PLXNB3: variants seen among roughly 807,000 people sequenced by gnomAD.
PLXNB3 encodes plexin-B3.
PLXNB3 carries 80 observed loss-of-function variants against 125.7 expected under a neutral mutation model. That is an observed-to-expected ratio of 0.64 (90% CI 0.53 to 0.77). The LOEUF is 0.77. PLXNB3 is among the 30% of genes least tolerant of loss of function. The pLI, the probability that PLXNB3 is intolerant of heterozygous loss-of-function variation, is 0.00. For synonymous variants in PLXNB3, 954 were observed against 783.3 expected (o/e 1.22, Z -3.64); for missense variants, 1,836 against 1,729.3 (o/e 1.06, Z -1.09).
rs782478899 is a variant in PLXNB3, at chrX:153,771,616, G to A, written c.2478G>A (p.Gly826=). 1 of 1,203,387 alleles carries A rather than the reference G, an allele frequency of 8.3e-7. No homozygotes were observed. The highest frequency in any genetic ancestry group is 1.7e-5 in the African/African-American group (1 of 57,885). Residue 826 remains glycine (G), a synonymous_variant, in exon 14 of 36, where the codon GGG becomes GGA. Coordinates refer to ENST00000361971, the MANE Select transcript of PLXNB3 (RefSeq NM_005393.3). ...ACRYGPLCPP[G]AVELLCPAPS... Reference sequence around the variant, plus strand: ...GCTATGGGCCCTTGTGCCCGCCGGGGGCTGTGGAGCTGCTGTGTCCTGCGC... The same window carrying A: ...GCTATGGGCCCTTGTGCCCGCCGGGAGCTGTGGAGCTGCTGTGTCCTGCGC...
rs782386894 is a variant in PLXNB3, at chrX:153,771,885, CCT to C, written c.2540_2541del (p.Pro847ArgfsTer34). 1.7e-6 allele frequency: 2 copies of C among 1,209,270 alleles called. No individual in the cohort carries two copies. The highest frequency in any genetic ancestry group is 2.2e-6 in the Non-Finnish European group (2 of 895,096). On this transcript the variant is annotated frameshift_variant, in exon 15 of 36. Transcript: ENST00000361971. LOFTEE classifies it high-confidence loss of function. ...IDAVEPLTGPPEGGLALTILG... is the reference protein window; with the variant it reads ...IDAVEPLTGPXEGGLALTILG... ...GCAGGTCGAGCCCCTGACCGGTCCC[CCT>C]GAGGGAGGCTTGGCCCTCACCATCC...
chrX:153,765,710 G>C, intron 2 of PLXNB3, 130 bp downstream of exon 2: 1 of 1,140,445 alleles, frequency 8.8e-7, no homozygotes. Flanking sequence ...CAGATAGCCC[G>C]GGGTCCGCAG....
chrX:153,777,278 G>C lies in PLXNB3; in HGVS notation c.4998G>C (p.Glu1666Asp). Reference sequence around the variant, plus strand: ...GGCACCTGGTGAAAGCCACCGAGGAGCCAGAAGGGGCCAAGGTGCGGTGCA... The same window carrying C: ...GGCACCTGGTGAAAGCCACCGAGGACCCAGAAGGGGCCAAGGTGCGGTGCA... ...CLWHLVKATE[E>D]PEGAKVRCSS... Residue 1666 changes from glutamate (E) to aspartate (D), a missense_variant, in exon 30 of 36, where the codon GAG becomes GAC. Glu to Asp is a conservative substitution (Grantham distance 45). Transcript: ENST00000361971. 8.3e-7 allele frequency: 1 copy of C among 1,201,174 alleles called. No homozygotes were observed. The highest frequency in any genetic ancestry group is 1.1e-6 in the Non-Finnish European group (1 of 889,433).
chrX:153,773,016 TG>T lies in PLXNB3; in HGVS notation c.2906+1del. ...TTCGTGGGTGGCCAACCCTGTCCCA[TG>T]TGAGTCCCGGCCTGGCTGCCGTCGG... On this transcript the variant is annotated splice_donor_variant, in intron 17 of 35. Coordinates refer to ENST00000361971, the MANE Select transcript of PLXNB3 (RefSeq NM_005393.3). LOFTEE classifies it high-confidence loss of function. 1 of 1,172,740 alleles carries T rather than the reference TG, an allele frequency of 8.5e-7. No homozygotes were observed. The highest frequency in any genetic ancestry group is 1.1e-6 in the Non-Finnish European group (1 of 879,116).
chrX:153,771,463 G>A (rs782691919), intron 13 of PLXNB3, 23 bp from the exon 14 acceptor site: 2 of 1,208,748 alleles, frequency 1.7e-6, no homozygotes, highest in East Asian at 3.0e-5. Flanking sequence ...GAGGCGCTCA[G>A]CACACTGCCT....
chrX:153,766,468 C>T (rs1232944320), intron 2 of PLXNB3: 1 of 930,596 alleles, frequency 1.1e-6, no homozygotes, highest in African/African-American at 2.0e-5. Context: ...CCCGCGGCCT[C>T]CCTCCCTCCC....
At chrX:153,766,297 T>G in intron 2 of PLXNB3, 1 of 1,163,959 alleles carries the variant, frequency 8.6e-7, no homozygotes, top group African/African-American at 1.8e-5. Flanking sequence ...GGAGGGTTCC[T>G]CCTTGCAGCC....
rs1335481604 is a variant in PLXNB3 at position 153,776,690 on chromosome X, C to A, written c.4834-197C>A. Among the ~76,000 whole-genome samples the A allele has an allele frequency of 3.2e-4, 5 of 15,640 alleles. No individual in the cohort carries two copies. The South Asian group carries it at 0.021, about 64-fold the overall frequency. The allele number at this position is 15,640 out of a possible 115,157, so 13.6% of individuals were successfully genotyped here. ...AGGGCGAGGATGGGGCGGGGCGAGGCAGGGCGGGGCTGGGGCGGGGATGGG... is the reference window on the plus strand; with the variant it reads ...AGGGCGAGGATGGGGCGGGGCGAGGAAGGGCGGGGCTGGGGCGGGGATGGG... On this transcript the variant is annotated intron_variant, in intron 28 of 35. Coordinates refer to ENST00000361971, the MANE Select transcript of PLXNB3 (RefSeq NM_005393.3).
In PLXNB3 at chrX:153,774,058, G is replaced by A. The variant is rs146891755; in HGVS notation, c.3479G>A (p.Arg1160His). 660 of 1,188,854 alleles carry A rather than the reference G, an allele frequency of 5.6e-4. No homozygotes were observed. The highest frequency in any genetic ancestry group is 6.9e-4 in the Non-Finnish European group (609 of 884,562). The change falls in exon 20 of 36, where the codon CGC (arginine) becomes CAC (histidine). Residue 1160 changes from arginine (R) to histidine (H), a missense_variant. By Grantham distance (29) the Arg-to-His change is conservative. Coordinates refer to ENST00000361971, the MANE Select transcript of PLXNB3 (RefSeq NM_005393.3). ...CCCCTCAGCCGCGAGGGGCCTGCCCGCCCCTACCGCCTCAAGCCAGGCCAT... is the reference window on the plus strand; with the variant it reads ...CCCCTCAGCCGCGAGGGGCCTGCCCACCCCTACCGCCTCAAGCCAGGCCAT... ...LAPLSREGPA[R>H]PYRLKPGHVL...
chrX:153,771,153 G>C, intron 12 of PLXNB3, 72 bp downstream of exon 12: 1 of 1,007,383 alleles, frequency 9.9e-7, no homozygotes, highest in South Asian at 2.0e-5. Flanking sequence ...CATCTTTGTG[G>C]AGAGCCTGCT....
rs781869433 is a variant in PLXNB3, at chrX:153,766,286, C to T, written c.46-587C>T. On this transcript the variant is annotated intron_variant, in intron 2 of 35. Transcript: ENST00000361971. ...GCTGCCTGGCTCTTTCCCCCAGCTG[C>T]GGAGGGTTCCTCCTTGCAGCCGGCC... 12 of 1,164,505 alleles carry T rather than the reference C, an allele frequency of 1.0e-5. No homozygotes were observed. Among genetic ancestry groups the T allele is most frequent in the African/African-American group, 1.8e-5 (1 of 56,038 alleles).
At chrX:153,772,140 C>T (rs781817835) in intron 15 of PLXNB3, 42 bp from the exon 16 acceptor site, 2 of 872,920 alleles carry the variant, frequency 2.3e-6, no homozygotes, top group African/African-American at 3.5e-5. Context: ...CTGTCCCCTC[C>T]GTCCCTGAGC....
Position 153,775,408 on chromosome X carries a change from G to A in PLXNB3, c.4334+5G>A, listed in dbSNP as rs1557063726. 5.0e-6 allele frequency: 6 copies of A among 1,201,887 alleles called. No individual in the cohort carries two copies. The South Asian group carries it at 9.0e-5, about 18-fold the overall frequency. ...CCCCAAGCTCATGCTACGCAGGTTG[G>A]CCTTGACCTGGACCCGGTGGCGGGG... On this transcript the variant is annotated splice_donor_5th_base_variant and intron_variant, in intron 25 of 35. Coordinates refer to ENST00000361971, the MANE Select transcript of PLXNB3 (RefSeq NM_005393.3).
At position 153,778,627 on chromosome X, in the gene PLXNB3, G is replaced by A. The variant is rs781790936; in HGVS notation, c.5578G>A (p.Glu1860Lys). 2 of 1,205,827 alleles carry A rather than the reference G, an allele frequency of 1.7e-6. No homozygotes were observed. The highest frequency in any genetic ancestry group is 5.9e-5 in the East Asian group (2 of 33,697). The change falls in exon 35 of 36, where the codon GAG becomes AAG. Residue 1860 changes from glutamate to lysine, a missense_variant. Physicochemically the swap from Glu to Lys is moderately conservative, Grantham distance 56. Transcript: ENST00000361971. ...CTACACTTCTGCTCCCCACTGTCTG[G>A]AGGCTCTGCAAGAACTCTACAACCA... The part of the protein sequence containing the change: ...GNYTSAPHCL[E>K]ALQELYNHIH...
chrX:153,766,198 G>A (rs1557059092), intron 2 of PLXNB3: 1 of 1,148,449 alleles, frequency 8.7e-7, no homozygotes, highest in Non-Finnish European at 1.2e-6. Context: ...TCGCCCTGGA[G>A]CTGGGCGCCA....
Position 153,768,378 on chromosome X carries a change from G to A in PLXNB3, c.1216G>A (p.Asp406Asn), listed in dbSNP as rs2091883295. 8.3e-7 allele frequency: 1 copy of A among 1,209,044 alleles called. No individual in the cohort carries two copies. The highest frequency in any genetic ancestry group is 3.0e-5 in the East Asian group (1 of 33,731). ...CAGCGCCGTGGCAGCTCTCCAGGCA[G>A]ATGGGCACATGATAGCCTTCCTGGG... is the stretch of plus-strand genomic sequence containing the variant. ...PVSAVAALQADGHMIAFLGDT... is the reference protein window; with the variant it reads ...PVSAVAALQANGHMIAFLGDT... The change falls in exon 4 of 36, where the codon GAT (aspartate) becomes AAT (asparagine). Residue 406 changes from aspartate to asparagine, a missense_variant. Coordinates refer to ENST00000361971, the MANE Select transcript of PLXNB3 (RefSeq NM_005393.3).
chrX:153,765,430 C>G (rs782073067), intron 1 of PLXNB3, 41 bp from the exon 2 acceptor site: 2 of 1,049,290 alleles, frequency 1.9e-6, no homozygotes, highest in African/African-American at 3.7e-5. Context: ...CCCAGGCCAG[C>G]TCGAATGGGG....
chrX:153,765,984 T>C (rs1171940707), intron 2 of PLXNB3: 1 of 746,566 alleles, frequency 1.3e-6, no homozygotes, highest in Non-Finnish European at 1.6e-6. Context: ...GCCCCTTCCC[T>C]GACCCCTCCC....
At chrX:153,766,750 T>A in intron 2 of PLXNB3, 123 bp from the exon 3 acceptor site, 2 of 1,073,528 alleles carry the variant, frequency 1.9e-6, no homozygotes, top group Non-Finnish European at 2.4e-6. Flanking sequence ...TCATTCTCCA[T>A]CTCTCTGCCT....
Sources: allele counts gnomAD v4.1 joint callset (sites outside exome capture counted in the v4.1 genomes callset), GRCh38; gene constraint gnomAD v4.1.1; transcripts MANE v1.5; gene names NCBI Gene and HGNC (gene_info 2026-07-23, HGNC 2026-07-21).